The following CACNA1E variants were observed in gnomAD, a reference collection of about 807,000 sequenced individuals.
The protein encoded by CACNA1E is voltage-dependent R-type calcium channel subunit alpha-1E.
A neutral mutation model predicts 259.2 loss-of-function variants in CACNA1E; 40 were observed. The observed-to-expected ratio is 0.15, with a 90% CI of 0.12 to 0.20. CACNA1E has a LOEUF of 0.20. Ranked by LOEUF, CACNA1E falls within the 10% of genes least tolerant of loss-of-function variation. The pLI, the probability that CACNA1E is intolerant of heterozygous loss-of-function variation, is 1.00. For missense variants in CACNA1E, 1,874 were observed against 3,040.1 expected (o/e 0.62, Z 9.02); for synonymous variants, 1,104 against 1,138.5 (o/e 0.97, Z 0.61).
At chr1:181,448,792 G>A (rs553337763) in intron 2 of CACNA1E, among the ~76,000 whole-genome samples, 1 of 152,372 alleles carries the variant, frequency 6.6e-6, no homozygotes, top group East Asian at 1.9e-4. Context: ...TCCCCTGGGT[G>A]TGACAGGTGG....
At chr1:181,431,045 A>C in intron 2 of CACNA1E, among the ~76,000 whole-genome samples, 1 of 152,226 alleles carries the variant, frequency 6.6e-6, no homozygotes, top group East Asian at 1.9e-4. Flanking sequence ...TCTTTTACAT[A>C]TATGAAATAG....
At chr1:181,630,301 C>T (rs983436109) in intron 6 of CACNA1E, among the ~76,000 whole-genome samples, 2 of 151,882 alleles carry the variant, frequency 1.3e-5, no homozygotes, top group African/African-American at 4.8e-5. Flanking sequence ...GAAAACAATT[C>T]TGTGGTGCCA....
At chr1:181,688,376 T>G (rs1437974974) in intron 7 of CACNA1E, among the ~76,000 whole-genome samples, 1 of 152,224 alleles carries the variant, frequency 6.6e-6, no homozygotes, top group Non-Finnish European at 1.5e-5. Context: ...AGTGTAAGTG[T>G]ATTGCAAGTT....
intron 3 of CACNA1E, among the ~76,000 whole-genome samples, chr1:181,535,169 T>A (rs1301047160): frequency 1.3e-5 from 2 of 152,204 alleles, no homozygotes; most frequent in Non-Finnish European, 2.9e-5. Context: ...GATTTCCAAC[T>A]GGTTTTGAAC....
At chr1:181,565,901 GA>G (rs1649780479) in intron 3 of CACNA1E, among the ~76,000 whole-genome samples, 4 of 74,384 alleles carry the variant, frequency 5.4e-5, no homozygotes, top group Non-Finnish European at 1.2e-4. Flanking sequence ...CCTGCGGAGA[GA>G]AAGTGTGTGG....
Position 181,757,081 on chromosome 1 carries a change from G to A in CACNA1E, c.4284G>A (p.Glu1428=). The change falls in exon 30 of 48, where the codon GAG becomes GAA. Residue 1428 remains glutamate, a synonymous_variant. Transcript: ENST00000367573. Reference sequence around the variant, plus strand: ...CTCTCATCATCATCACCTTCCAGGAGCAAGGGGATAAGATGATGGAGGAGT... The same window carrying A: ...CTCTCATCATCATCACCTTCCAGGAACAAGGGGATAAGATGATGGAGGAGT... ...FVALIIITFQ[E]QGDKMMEECS... 6.2e-7 allele frequency: 1 copy of A among 1,613,948 alleles called. No homozygotes were observed. Among genetic ancestry groups the A allele is most frequent in the Non-Finnish European group, 8.5e-7 (1 of 1,179,850 alleles).
At chr1:181,389,863 G>A (rs1656132711) in intron 1 of CACNA1E, among the ~76,000 whole-genome samples, 1 of 152,244 alleles carries the variant, frequency 6.6e-6, no homozygotes, top group South Asian at 2.1e-4. Context: ...ATGTGCATAG[G>A]TCCTAAGAGA....
chr1:181,565,147 A>G (rs1226550093), intron 3 of CACNA1E, among the ~76,000 whole-genome samples: 1 of 152,206 alleles, frequency 6.6e-6, no homozygotes, highest in African/African-American at 2.4e-5. Flanking sequence ...TGGCCACACC[A>G]GTTTTACCAT....
At chr1:181,426,280 C>T (rs1024860282) in intron 2 of CACNA1E, among the ~76,000 whole-genome samples, 1 of 151,926 alleles carries the variant, frequency 6.6e-6, no homozygotes, top group African/African-American at 2.4e-5. Flanking sequence ...CCATTTCAGC[C>T]ACTATCCGTC....
intron 2 of CACNA1E, among the ~76,000 whole-genome samples, chr1:181,472,100 G>A (rs1180934958): frequency 6.6e-6 from 1 of 151,972 alleles, no homozygotes; most frequent in East Asian, 1.9e-4. Context: ...AGTAGATCCT[G>A]CCATTTGCCC....
At chr1:181,455,889 G>A (rs1469419682) in intron 2 of CACNA1E, among the ~76,000 whole-genome samples, 1 of 152,214 alleles carries the variant, frequency 6.6e-6, no homozygotes, top group Non-Finnish European at 1.5e-5. Context: ...GCGTCACAGA[G>A]GGGACTTAGG....
chr1:181,591,655 A>C (rs1431895091), intron 6 of CACNA1E, among the ~76,000 whole-genome samples: 1 of 152,100 alleles, frequency 6.6e-6, no homozygotes, highest in Non-Finnish European at 1.5e-5. Flanking sequence ...GTTTTATTTG[A>C]AAAAAGTGAT....
chr1:181,729,379 T>C (rs914235666), intron 18 of CACNA1E, among the ~76,000 whole-genome samples: 2 of 152,264 alleles, frequency 1.3e-5, no homozygotes, highest in African/African-American at 4.8e-5. Context: ...CTTGCTCAGG[T>C]GTTCATGCCC....
chr1:181,356,341 C>CGCGT (rs1553234183), intron 1 of CACNA1E, among the ~76,000 whole-genome samples: 30 of 146,976 alleles, frequency 2.0e-4, no homozygotes, highest in African/African-American at 7.7e-4. Flanking sequence ...GCCTTCTATT[C>CGCGT]GTGTGTGTGT....
At chr1:181,540,611 C>T (rs768508279) in intron 3 of CACNA1E, among the ~76,000 whole-genome samples, 1 of 152,180 alleles carries the variant, frequency 6.6e-6, no homozygotes, top group Non-Finnish European at 1.5e-5. Flanking sequence ...ATAGAACGCT[C>T]ATGTGAGAGG....
intron 6 of CACNA1E, among the ~76,000 whole-genome samples, chr1:181,629,818 T>C (rs199947): frequency 0.96 from 145,777 of 152,250 alleles, 70,081 homozygotes; most frequent in East Asian, 1. Flanking sequence ...AGCAATAAAT[T>C]GGACCAATTC....
At chr1:181,460,583 C>G (rs1661738675) in intron 2 of CACNA1E, among the ~76,000 whole-genome samples, 1 of 152,194 alleles carries the variant, frequency 6.6e-6, no homozygotes. Context: ...AAGACCTTTA[C>G]AGAAACCTCA....
chr1:181,481,335 TACACACAC>T (rs113766656), upstream of CACNA1E, among the ~76,000 whole-genome samples: 32 of 145,508 alleles, frequency 2.2e-4, no homozygotes, highest in Admixed American at 1.0e-3. Flanking sequence ...AGAATTTTCC[TACACACAC>T]ACACACACAC....
In CACNA1E at chr1:181,798,563, C is replaced by G; in HGVS notation, c.6671C>G (p.Pro2224Arg). ...CCCCAGCAGAGCCAACATGCCTCCC[C>G]ACAGCGCTACATCTCCGAGCCCTAC... is the stretch of plus-strand genomic sequence containing the variant. ...PHPQQSQHAS[P>R]QRYISEPYLA... Residue 2224 changes from proline (P) to arginine (R), a missense_variant, in exon 48 of 48, where the codon CCA (proline) becomes CGA (arginine). By Grantham distance (103) the Pro-to-Arg change is moderately radical. This residue lies in a region of CACNA1E where 542 missense variants were observed against 587.2 expected (regional missense o/e 0.92). Transcript: ENST00000367573. This position sits in a 1 kb window ranked among gnomAD's most constrained non-coding sequence, Gnocchi z 4.2. The G allele has an allele frequency of 6.2e-7, 1 of 1,613,754 alleles. No homozygotes were observed. Among genetic ancestry groups the G allele is most frequent in the Non-Finnish European group, 8.5e-7 (1 of 1,179,898 alleles).
Sources: gnomAD v4.1 joint callset for allele counts (sites outside exome capture counted in the v4.1 genomes callset) on GRCh38, gnomAD v4.1.1 for gene constraint, gnomAD v4.1.1 regional missense constraint, Gnocchi (gnomAD v3.1) non-coding constraint, MANE v1.5 for transcripts, NCBI Gene and HGNC (gene_info 2026-07-23, HGNC 2026-07-21) for gene names.